The following CYFIP1 variants were observed in gnomAD, a reference collection of about 807,000 sequenced individuals.
CYFIP1 encodes the protein cytoplasmic FMR1 interacting protein 1, also known as cytoplasmic FMR1-interacting protein 1.
In CYFIP1, 58 loss-of-function variants were observed where a neutral mutation model predicts 163.5. The observed-to-expected ratio is 0.35, with a 90% CI of 0.29 to 0.44. The LOEUF is 0.44. Among genes scored for constraint, CYFIP1 ranks in the 20% least tolerant of loss-of-function variants. CYFIP1 has a pLI of 1.00. For missense variants in CYFIP1, 1,338 were observed against 1,653.8 expected (o/e 0.81, Z 3.31); for synonymous variants, 663 against 660.7 (o/e 1.00, Z -0.05).
In CYFIP1 at chr15:22,903,877, C is replaced by A. The variant is rs199596519; in HGVS notation, c.2417G>T (p.Arg806Leu). 4 of 1,613,960 alleles carry A rather than the reference C, an allele frequency of 2.5e-6. No homozygotes were observed. In the African/African-American group the frequency reaches 5.3e-5, roughly 22 times the overall value. ...VELDGLLEINRMTHKLLSRYL... is the reference protein window; with the variant it reads ...VELDGLLEINLMTHKLLSRYL... The stretch of plus-strand genomic sequence containing the variant: ...CCGGCTCAGCAGCTTGTGGGTCATG[C>A]GGTTGATTTCCAACAGGCCATCCAG... Residue 806 changes from arginine (R) to leucine (L), a missense_variant, in exon 22 of 31, where the codon CGC becomes CTC. Coordinates refer to ENST00000617928, the MANE Select transcript of CYFIP1 (RefSeq NM_014608.6).
chr15:22,891,482 C>T (rs547487510), intron 23 of CYFIP1, among the ~76,000 whole-genome samples: 131 of 152,332 alleles, frequency 8.6e-4, no homozygotes, highest in Admixed American at 2.4e-3. Flanking sequence ...ACACAGTCAC[C>T]CTTGGTCCAC....
chr15:22,876,293 G>A (rs943879775), intron 26 of CYFIP1, among the ~76,000 whole-genome samples: 3 of 152,048 alleles, frequency 2.0e-5, no homozygotes, highest in African/African-American at 7.2e-5. Context: ...CGTCAATCCA[G>A]TGCCAGACGC....
intron 26 of CYFIP1, among the ~76,000 whole-genome samples, chr15:22,877,605 T>C (rs1390651369): frequency 1.5e-5 from 1 of 66,836 alleles, no homozygotes; most frequent in Middle Eastern, 6.3e-3. Context: ...AACATGTCCT[T>C]AGAGCAGGGC....
At chr15:22,947,148 C>T in intron 2 of CYFIP1, 21 bp downstream of exon 2, 2 of 1,614,088 alleles carry the variant, frequency 1.2e-6, no homozygotes, top group Non-Finnish European at 1.7e-6. Flanking sequence ...GCTGTACGCC[C>T]TGCAGCTGCT....
At chr15:22,947,984 G>C (rs7171022) in intron 1 of CYFIP1, 258,520 of 982,408 alleles carry the variant, frequency 0.26, 36,186 homozygotes, top group East Asian at 0.48. Context: ...GGGTACTCAG[G>C]AGGAGCTCTG....
chr15:22,907,761 T>G (rs1235006899), intron 21 of CYFIP1, among the ~76,000 whole-genome samples: 1 of 152,196 alleles, frequency 6.6e-6, no homozygotes, highest in African/African-American at 2.4e-5. Flanking sequence ...GGTGGTCAGG[T>G]GATCCACAGA....
intron 6 of CYFIP1, among the ~76,000 whole-genome samples, chr15:22,941,586 C>T (rs950344227): frequency 2.6e-5 from 4 of 151,956 alleles, no homozygotes; most frequent in Admixed American, 1.3e-4. Context: ...GGGTGATGGT[C>T]TGGGAAGGTT....
chr15:22,980,055 A>T (rs2063424341), intron 1 of CYFIP1, among the ~76,000 whole-genome samples: 1 of 149,120 alleles, frequency 6.7e-6, no homozygotes, highest in Non-Finnish European at 1.5e-5. Flanking sequence ...CAGTGCAGGG[A>T]GTGCGGGGAC....
At chr15:22,976,181 G>A (rs367976564) in intron 1 of CYFIP1, among the ~76,000 whole-genome samples, 10 of 149,830 alleles carry the variant, frequency 6.7e-5, no homozygotes, top group East Asian at 1.9e-4. Flanking sequence ...TTTTTGAGAC[G>A]GAGTCTCGCT....
At chr15:22,980,487 G>A (rs1177559965), upstream of CYFIP1, 3 of 152,232 alleles carry the variant, frequency 2.0e-5, no homozygotes, top group Non-Finnish European at 2.9e-5. Flanking sequence ...CCTCCTCCTG[G>A]CGGGGCATCC....
chr15:22,955,734 G>T (rs1012516364), intron 1 of CYFIP1, among the ~76,000 whole-genome samples: 21 of 152,170 alleles, frequency 1.4e-4, no homozygotes, highest in Non-Finnish European at 2.6e-4. Flanking sequence ...CCCCCTGCAA[G>T]CTCACGGGCT....
In CYFIP1 at chr15:22,893,724, C is replaced by G. The variant is rs561567093; in HGVS notation, c.2589-747G>C. ...AGCAGCCACTAGGCCCCCTGACCAC[C>G]TACCGCAGTACTTCTGGGTATGCCT... On this transcript the variant is annotated intron_variant, in intron 22 of 30. Transcript: ENST00000617928. Among the ~76,000 whole-genome samples the G allele has an allele frequency of 2.0e-5, 3 of 152,326 alleles. No homozygotes were observed. In the East Asian group the frequency reaches 5.8e-4, roughly 29 times the overall value.
intron 15 of CYFIP1, 49 bp from the exon 16 acceptor site, chr15:22,916,679 A>T (rs1239710427): frequency 3.7e-6 from 6 of 1,614,010 alleles, no homozygotes; most frequent in Non-Finnish European, 5.1e-6. Flanking sequence ...TACATGGTAC[A>T]TTAGTTATGC....
chr15:22,963,511 T>TAACATAACATAACATAACATAACA (rs1567038497), intron 1 of CYFIP1, among the ~76,000 whole-genome samples: 11 of 137,286 alleles, frequency 8.0e-5, no homozygotes, highest in African/African-American at 3.0e-4. Flanking sequence ...TAACATAACA[T>TAACATAACATAACATAACATAACA]AACATAACAT....
At chr15:22,901,127 C>T (rs1303525824) in intron 22 of CYFIP1, among the ~76,000 whole-genome samples, 3 of 151,474 alleles carry the variant, frequency 2.0e-5, no homozygotes, top group African/African-American at 7.3e-5. Context: ...CGCTTGAACT[C>T]GGAAGGCAGA....
intron 1 of CYFIP1, among the ~76,000 whole-genome samples, chr15:22,974,130 T>C (rs1296704254): frequency 6.6e-6 from 1 of 152,140 alleles, no homozygotes; most frequent in East Asian, 1.9e-4. Context: ...TTCCTCAAAA[T>C]ATTAAAAATA....
chr15:22,876,966 C>T (rs1005835840), intron 26 of CYFIP1, among the ~76,000 whole-genome samples: 2 of 152,172 alleles, frequency 1.3e-5, no homozygotes, highest in African/African-American at 4.8e-5. Flanking sequence ...AGGCTGTCTC[C>T]CCATTAAGAA....
intron 18 of CYFIP1, 83 bp from the exon 19 acceptor site, chr15:22,910,896 A>T: frequency 8.4e-7 from 1 of 1,189,756 alleles, no homozygotes; most frequent in South Asian, 1.3e-5. Flanking sequence ...ATGTTTCGTT[A>T]AGGCAACTAA....
At chr15:22,888,131 T>A (rs572784943) in intron 23 of CYFIP1, among the ~76,000 whole-genome samples, 2 of 152,278 alleles carry the variant, frequency 1.3e-5, no homozygotes, top group African/African-American at 4.8e-5. Context: ...CATAAATGGG[T>A]CCCTCATCTA....
Sources: allele counts gnomAD v4.1 joint callset (sites outside exome capture counted in the v4.1 genomes callset), GRCh38; gene constraint gnomAD v4.1.1; transcripts MANE v1.5; gene names NCBI Gene and HGNC (gene_info 2026-07-23, HGNC 2026-07-21).